MARCHF4: variants seen among roughly 807,000 people sequenced by gnomAD.
The protein encoded by MARCHF4 is E3 ubiquitin-protein ligase MARCHF4.
MARCHF4 carries 14 observed loss-of-function variants against 43.9 expected under a neutral mutation model. The ratio of observed to expected loss-of-function variants is 0.32; its 90% CI spans 0.21 to 0.50. MARCHF4 has a LOEUF of 0.50. Ranked by LOEUF, MARCHF4 falls within the 20% of genes least tolerant of loss-of-function variation. The pLI is 0.98. For synonymous variants in MARCHF4, 226 were observed against 213.3 expected, an observed-to-expected ratio of 1.06 and a Z score of -0.52; for missense variants, 468 against 536.7, an observed-to-expected ratio of 0.87 and a Z score of 1.27.
At chr2:216,275,005 T>A (rs1690997871) in intron 3 of MARCHF4, among the ~76,000 whole-genome samples, 1 of 152,094 alleles carries the variant, frequency 6.6e-6, no homozygotes, top group Non-Finnish European at 1.5e-5. Flanking sequence ...CCCTCTCCCA[T>A]CCCATAGCTG....
rs1177306253 is a variant in MARCHF4 at position 216,370,062 on chromosome 2, C to G, written c.199G>C (p.Asp67His). 1 of 1,562,240 alleles carries G rather than the reference C, an allele frequency of 6.4e-7. No homozygotes were observed. Among genetic ancestry groups the G allele is most frequent in the South Asian group, 1.2e-5 (1 of 85,622 alleles). Residue 67 changes from aspartate to histidine, a missense_variant, in exon 1 of 4, where the codon GAC (aspartate) becomes CAC (histidine). Asp to His is a moderately conservative substitution (Grantham distance 81). Coordinates refer to ENST00000273067, the MANE Select transcript of MARCHF4 (RefSeq NM_020814.3). ...GCCGCCAAACCGGGGGGCTGGGGGT[C>G]GCCGTGCATGGGCAGGGGCGCTTGA... ...PPQAPLPMHG[D>H]PQPPGLAANN...
At chr2:216,290,946 C>T (rs976036530) in intron 1 of MARCHF4, among the ~76,000 whole-genome samples, 10 of 152,096 alleles carry the variant, frequency 6.6e-5, no homozygotes, top group Admixed American at 2.6e-4. Flanking sequence ...ATCCAGGAGG[C>T]GATGTCACGT....
At chr2:216,285,038 T>C (rs1691196578) in intron 1 of MARCHF4, among the ~76,000 whole-genome samples, 1 of 152,204 alleles carries the variant, frequency 6.6e-6, no homozygotes. Flanking sequence ...CATATCCCTG[T>C]CTACCCACGA....
At chr2:216,304,822 C>T (rs377245598) in intron 1 of MARCHF4, among the ~76,000 whole-genome samples, 55 of 152,136 alleles carry the variant, frequency 3.6e-4, no homozygotes, top group African/African-American at 1.2e-3. Context: ...GGCATGGTGG[C>T]ATGTGTTTGT....
At chr2:216,286,573 G>T (rs918609245) in intron 1 of MARCHF4, among the ~76,000 whole-genome samples, 1 of 151,800 alleles carries the variant, frequency 6.6e-6, no homozygotes, top group Non-Finnish European at 1.5e-5. Context: ...CAAACTGTTA[G>T]AAAAGTTTAA....
chr2:216,330,574 T>C (rs911066974), intron 1 of MARCHF4, among the ~76,000 whole-genome samples: 1 of 152,194 alleles, frequency 6.6e-6, no homozygotes, highest in East Asian at 1.9e-4. Context: ...TAATACATTC[T>C]TTCCAAGTCT....
rs56064549 is a variant in MARCHF4 at position 216,268,230 on chromosome 2, C to T, written c.866-8551G>A. Among the ~76,000 whole-genome samples, 1,148 of 152,266 alleles carry T rather than the reference C, an allele frequency of 7.5e-3. 10 individuals are homozygous for T. The highest frequency in any genetic ancestry group is 0.024 in the Middle Eastern group (7 of 294). Reference sequence around the variant, plus strand: ...GACCTGGAAGGAACCTGGAGGTTGTCGGTTTCACCCCTCTCATTTATAGAT... The same window carrying T: ...GACCTGGAAGGAACCTGGAGGTTGTTGGTTTCACCCCTCTCATTTATAGAT... On this transcript the variant is annotated intron_variant, in intron 3 of 3. Coordinates refer to ENST00000273067, the MANE Select transcript of MARCHF4 (RefSeq NM_020814.3).
At chr2:216,278,869 C>T (rs969538960) in intron 2 of MARCHF4, among the ~76,000 whole-genome samples, 3 of 152,100 alleles carry the variant, frequency 2.0e-5, no homozygotes, top group Non-Finnish European at 2.9e-5. Context: ...ATGGCTGATC[C>T]GGGCAGTACA....
chr2:216,290,341 G>T (rs746160602), intron 1 of MARCHF4, among the ~76,000 whole-genome samples: 1 of 152,146 alleles, frequency 6.6e-6, no homozygotes, highest in Non-Finnish European at 1.5e-5. Flanking sequence ...AAGTGCAAAG[G>T]CCCTGAGGCA....
intron 1 of MARCHF4, among the ~76,000 whole-genome samples, chr2:216,345,508 C>A (rs888217000): frequency 6.6e-6 from 1 of 152,148 alleles, no homozygotes; most frequent in Non-Finnish European, 1.5e-5. Context: ...TCCACTTCCC[C>A]CTTCCTGGGA....
chr2:216,277,627 G>A, intron 3 of MARCHF4, 45 bp downstream of exon 3: 1 of 1,538,196 alleles, frequency 6.5e-7, no homozygotes, highest in African/African-American at 1.4e-5. Flanking sequence ...CATCCCACGA[G>A]CACATGGTTC....
chr2:216,362,449 G>T (rs1463003098), intron 1 of MARCHF4, among the ~76,000 whole-genome samples: 2 of 152,216 alleles, frequency 1.3e-5, no homozygotes, highest in Admixed American at 6.5e-5. Flanking sequence ...CTTCAAGAGG[G>T]TTCTTTCAGA....
At chr2:216,310,811 T>A (rs1691674042) in intron 1 of MARCHF4, among the ~76,000 whole-genome samples, 1 of 152,154 alleles carries the variant, frequency 6.6e-6, no homozygotes, top group Non-Finnish European at 1.5e-5. Flanking sequence ...ATTCAGGGCT[T>A]CATCCTGCAC....
chr2:216,342,277 C>A (rs1269057261), intron 1 of MARCHF4, among the ~76,000 whole-genome samples: 1 of 152,136 alleles, frequency 6.6e-6, no homozygotes, highest in Admixed American at 6.5e-5. Context: ...CCACCAGGTT[C>A]TTGTTATTCT....
chr2:216,327,935 A>AT (rs559675371), intron 1 of MARCHF4, among the ~76,000 whole-genome samples: 13 of 148,688 alleles, frequency 8.7e-5, no homozygotes, highest in South Asian at 4.2e-4. Flanking sequence ...TATGTGAAAT[A>AT]TTTTTTTTTA....
At chr2:216,334,685 G>A (rs536032729) in intron 1 of MARCHF4, among the ~76,000 whole-genome samples, 34 of 152,310 alleles carry the variant, frequency 2.2e-4, no homozygotes, top group Middle Eastern at 3.4e-3. Flanking sequence ...TCAGGCATGA[G>A]CCACCAGTGC....
intron 1 of MARCHF4, among the ~76,000 whole-genome samples, chr2:216,288,893 A>T (rs1322685134): frequency 6.6e-6 from 1 of 152,046 alleles, no homozygotes; most frequent in African/African-American, 2.4e-5. Flanking sequence ...CAGGACATAG[A>T]TTTACAAAGA....
In MARCHF4 at chr2:216,301,272, A is replaced by G. The variant is rs1480907291; in HGVS notation, c.517-17543T>C. ...CATGCTCAGGGGCCTTCCCAGCTGC[A>G]ACACCACAGTTCCAATTCCAGGGCT... On this transcript the variant is annotated intron_variant, in intron 1 of 3. Transcript: ENST00000273067. Among the ~76,000 whole-genome samples the G allele has an allele frequency of 3.3e-5, 5 of 152,338 alleles. No homozygotes were observed. In the East Asian group the frequency reaches 5.8e-4, roughly 18 times the overall value.
At chr2:216,293,942 TACTGTCCG>T (rs1691352663) in intron 1 of MARCHF4, among the ~76,000 whole-genome samples, 10 of 125,860 alleles carry the variant, frequency 7.9e-5, no homozygotes, top group Admixed American at 2.3e-4. Context: ...ATGTGTAATA[TACTGTCCG>T]TTTGTCTTTC....
Sources: gnomAD v4.1 joint callset for allele counts (sites outside exome capture counted in the v4.1 genomes callset) on GRCh38, gnomAD v4.1.1 for gene constraint, MANE v1.5 for transcripts, NCBI Gene and HGNC (gene_info 2026-07-23, HGNC 2026-07-21) for gene names.